The following MAGI1 variants were observed in gnomAD, a reference collection of about 807,000 sequenced individuals.
MAGI1 encodes membrane-associated guanylate kinase, WW and PDZ domain-containing protein 1.
A neutral mutation model predicts 139.9 loss-of-function variants in MAGI1; 58 were observed. That is an observed-to-expected ratio of 0.41 (90% CI 0.34 to 0.52). MAGI1 has a LOEUF of 0.52. Ranked by LOEUF, MAGI1 falls within the 20% of genes least tolerant of loss-of-function variation. The pLI, the probability that MAGI1 is intolerant of heterozygous loss-of-function variation, is 0.12. For missense variants in MAGI1, 1,874 were observed against 1,901.6 expected, an observed-to-expected ratio of 0.99 and a Z score of 0.27; for synonymous variants, 812 against 737.9, an observed-to-expected ratio of 1.10 and a Z score of -1.63.
At chr3:65,990,058 CTGA>C (rs1374739380) in intron 1 of MAGI1, among the ~76,000 whole-genome samples, 4 of 151,876 alleles carry the variant, frequency 2.6e-5, no homozygotes, top group African/African-American at 9.7e-5. Flanking sequence ...GTCTAGAGAT[CTGA>C]TGATGATGAT....
intron 10 of MAGI1, among the ~76,000 whole-genome samples, chr3:65,432,390 C>G (rs1346033235): frequency 3.9e-5 from 6 of 152,114 alleles, no homozygotes; most frequent in Non-Finnish European, 1.5e-5. Flanking sequence ...AGCCTGGCAC[C>G]TAGGAAAGAA....
At chr3:65,701,504 C>T (rs1170314069) in intron 1 of MAGI1, among the ~76,000 whole-genome samples, 2 of 152,162 alleles carry the variant, frequency 1.3e-5, no homozygotes, top group Admixed American at 6.5e-5. Context: ...CCGCCTGCCT[C>T]GACCTCCCAA....
Position 65,387,317 on chromosome 3 carries a change from C to T in MAGI1, c.2417-3694G>A, listed in dbSNP as rs1022553188. On this transcript the variant is annotated intron_variant, in intron 14 of 22. Transcript: ENST00000402939. ...TTAGTTTTGATTGATAAGGAACAGTCAGTTCAGCTTTCACAATAAAGGTCA... is the reference window on the plus strand; with the variant it reads ...TTAGTTTTGATTGATAAGGAACAGTTAGTTCAGCTTTCACAATAAAGGTCA... 5.1e-5 allele frequency: 46 copies of T among 907,710 alleles called. No individual in the cohort carries two copies. In the African/African-American group the frequency reaches 5.9e-4, roughly 12 times the overall value. 56.2% of individuals were successfully genotyped at this position (907,710 alleles called of 1,614,324 possible). A position where few individuals can be genotyped will look rare whatever the true frequency, so the allele number is the denominator to read the frequency against.
chr3:65,590,818 C>G (rs551853897), intron 2 of MAGI1, among the ~76,000 whole-genome samples: 1 of 152,244 alleles, frequency 6.6e-6, no homozygotes, highest in African/African-American at 2.4e-5. Context: ...GAAACATGAA[C>G]TTGCGGTAAA....
chr3:65,558,694 CA>C (rs1224237233), intron 2 of MAGI1, among the ~76,000 whole-genome samples: 2 of 151,532 alleles, frequency 1.3e-5, no homozygotes, highest in African/African-American at 2.4e-5. Context: ...AACAAACACA[CA>C]AAAAAAACCC....
intron 1 of MAGI1, among the ~76,000 whole-genome samples, chr3:65,809,009 C>G (rs1328319459): frequency 3.3e-5 from 5 of 152,068 alleles, no homozygotes; most frequent in African/African-American, 1.2e-4. Context: ...TGTGAATAAT[C>G]TAAAGTACAG....
chr3:65,547,319 T>A (rs998316743), intron 2 of MAGI1, among the ~76,000 whole-genome samples: 2 of 152,188 alleles, frequency 1.3e-5, no homozygotes, highest in Non-Finnish European at 2.9e-5. Context: ...TGCTTTAAAA[T>A]CTCTATAAAG....
intron 1 of MAGI1, among the ~76,000 whole-genome samples, chr3:65,918,547 A>G (rs575252378): frequency 6.6e-6 from 1 of 151,802 alleles, no homozygotes; most frequent in Non-Finnish European, 1.5e-5. Context: ...CGCCCAGCTA[A>G]TTTTTGTATT....
At chr3:65,778,189 G>T (rs906159101) in intron 1 of MAGI1, among the ~76,000 whole-genome samples, 3 of 152,084 alleles carry the variant, frequency 2.0e-5, no homozygotes, top group African/African-American at 4.8e-5. Context: ...CAGCACTTTG[G>T]GGGGCCAAGG....
chr3:65,480,987 G>A (rs1951250274), intron 3 of MAGI1, among the ~76,000 whole-genome samples: 1 of 152,116 alleles, frequency 6.6e-6, no homozygotes, highest in African/African-American at 2.4e-5. Flanking sequence ...TCTTTGAGAG[G>A]AGTGTAATAG....
At chr3:65,872,741 AACT>A (rs1188260323) in intron 1 of MAGI1, 1 of 152,262 alleles carries the variant, frequency 6.6e-6, no homozygotes, top group African/African-American at 2.4e-5. Flanking sequence ...AATAAAAATG[AACT>A]ACTGACACAC....
chr3:65,357,240 T>G, intron 22 of MAGI1, 108 bp from the exon 23 acceptor site: 1 of 1,169,256 alleles, frequency 8.6e-7, no homozygotes, highest in Non-Finnish European at 1.2e-6. Flanking sequence ...AGCAAACAAC[T>G]GTTAAAGCAG....
At chr3:65,403,372 C>T (rs1187485105) in intron 12 of MAGI1, among the ~76,000 whole-genome samples, 2 of 151,954 alleles carry the variant, frequency 1.3e-5, no homozygotes, top group African/African-American at 2.4e-5. Flanking sequence ...AATATTTTAC[C>T]TATGGATACA....
intron 1 of MAGI1, among the ~76,000 whole-genome samples, chr3:65,991,707 T>A (rs1404691393): frequency 1.3e-5 from 2 of 152,094 alleles, no homozygotes; most frequent in African/African-American, 4.8e-5. Flanking sequence ...AATCACACGG[T>A]GGTATCAGTT....
intron 2 of MAGI1, among the ~76,000 whole-genome samples, chr3:65,605,969 T>A (rs904218987): frequency 1.3e-5 from 2 of 152,196 alleles, no homozygotes; most frequent in African/African-American, 4.8e-5. Flanking sequence ...TTTGCATCCA[T>A]TCAACTCTGC....
intron 12 of MAGI1, among the ~76,000 whole-genome samples, chr3:65,412,703 T>C (rs1380385318): frequency 1.3e-5 from 2 of 152,162 alleles, no homozygotes; most frequent in Non-Finnish European, 2.9e-5. Flanking sequence ...ATAGCCATCA[T>C]TGCTGCAGTG....
chr3:65,690,491 C>T (rs1559789917), intron 1 of MAGI1, among the ~76,000 whole-genome samples: 1 of 151,822 alleles, frequency 6.6e-6, no homozygotes, highest in Admixed American at 6.6e-5. Context: ...TTCTTTTTTT[C>T]TTTGAGACAC....
chr3:65,536,752 G>A (rs1342157516), intron 2 of MAGI1, among the ~76,000 whole-genome samples: 1 of 152,116 alleles, frequency 6.6e-6, no homozygotes, highest in Non-Finnish European at 1.5e-5. Context: ...TGAGAAAAAG[G>A]AGAAAAAGAA....
intron 22 of MAGI1, chr3:65,360,114 G>C (rs902172646): frequency 4.1e-6 from 4 of 985,330 alleles, no homozygotes; most frequent in Non-Finnish European, 3.6e-6. Context: ...ACCTGGGAAG[G>C]CTGGCCCTCC....
Sources: gnomAD v4.1 joint callset for allele counts (sites outside exome capture counted in the v4.1 genomes callset) on GRCh38, gnomAD v4.1.1 for gene constraint, MANE v1.5 for transcripts, NCBI Gene and HGNC (gene_info 2026-07-23, HGNC 2026-07-21) for gene names.